Variants in MIS18BP1 observed in about 807,000 individuals in gnomAD.
The protein encoded by MIS18BP1 is mis18-binding protein 1.
Under a neutral mutation model 116.1 loss-of-function variants are expected in MIS18BP1, and 72 were observed. The observed-to-expected ratio is 0.62, with a 90% CI of 0.51 to 0.75. MIS18BP1 has a LOEUF of 0.75. Ranked by LOEUF, MIS18BP1 falls within the 30% of genes least tolerant of loss-of-function variation. MIS18BP1 has a pLI of 0.00. For synonymous variants in MIS18BP1, 386 were observed against 427.0 expected (o/e 0.90, Z 1.18); for missense variants, 1,363 against 1,303.2 (o/e 1.05, Z -0.71).
chr14:45,225,131 T>G (rs1203001002), intron 10 of MIS18BP1, among the ~76,000 whole-genome samples: 1 of 152,188 alleles, frequency 6.6e-6, no homozygotes, highest in African/African-American at 2.4e-5. Flanking sequence ...TTAATAATGT[T>G]GTCCACTCTG....
chr14:45,251,437 A>G (rs1416202588), intron 1 of MIS18BP1, among the ~76,000 whole-genome samples: 2 of 152,210 alleles, frequency 1.3e-5, no homozygotes, highest in Non-Finnish European at 2.9e-5. Flanking sequence ...AATTATGTAT[A>G]TGATCCTGAA....
At chr14:45,226,460 C>T (rs945304876) in intron 10 of MIS18BP1, among the ~76,000 whole-genome samples, 2 of 152,170 alleles carry the variant, frequency 1.3e-5, no homozygotes, top group South Asian at 2.1e-4. Context: ...ACTCTTTACA[C>T]ATTCCTGTAA....
At chr14:45,217,842 G>A (rs1170661702) in intron 12 of MIS18BP1, among the ~76,000 whole-genome samples, 1 of 151,956 alleles carries the variant, frequency 6.6e-6, no homozygotes, top group Non-Finnish European at 1.5e-5. Flanking sequence ...ATTATGACAG[G>A]GTATTGGGTT....
intron 2 of MIS18BP1, 103 bp downstream of exon 2, chr14:45,246,640 T>C: frequency 1.9e-6 from 2 of 1,043,760 alleles, no homozygotes; most frequent in Non-Finnish European, 2.7e-6. Context: ...GGCAAGGATT[T>C]TTGTCCATTT....
Position 45,224,061 on chromosome 14 carries a change from A to C in MIS18BP1, c.2526T>G (p.Thr842=). 1 of 1,613,778 alleles carries C rather than the reference A, an allele frequency of 6.2e-7. No individual in the cohort carries two copies. The highest frequency in any genetic ancestry group is 1.1e-5 in the South Asian group (1 of 91,012). Residue 842 remains threonine, a synonymous_variant, in exon 11 of 17, where the codon ACT becomes ACG. Transcript: ENST00000310806. ...QKKARPSVKE[T]LQKSGVRKEF... is the part of the protein sequence containing the mutation. Reference sequence around the variant, plus strand: ...CTTTCCTAACACCAGACTTCTGAAGAGTTTCTTTGACGGAAGGTCTAGCTT... The same window carrying C: ...CTTTCCTAACACCAGACTTCTGAAGCGTTTCTTTGACGGAAGGTCTAGCTT...
chr14:45,216,994 A>G (rs1442374321), intron 13 of MIS18BP1, 25 bp downstream of exon 13: 3 of 1,607,370 alleles, frequency 1.9e-6, no homozygotes, highest in Non-Finnish European at 2.6e-6. Flanking sequence ...ACAGATAAGG[A>G]AAACAATGAT....
At chr14:45,245,609 T>G (rs1891702309) in intron 2 of MIS18BP1, among the ~76,000 whole-genome samples, 1 of 152,088 alleles carries the variant, frequency 6.6e-6, no homozygotes, top group African/African-American at 2.4e-5. Flanking sequence ...GGTGATCCAC[T>G]TGCCTCGGCC....
chr14:45,204,830 G>A (rs1890467897), intron 15 of MIS18BP1, among the ~76,000 whole-genome samples: 1 of 151,874 alleles, frequency 6.6e-6, no homozygotes, highest in Non-Finnish European at 1.5e-5. Context: ...ATTATATATA[G>A]TAATTATAAT....
intron 13 of MIS18BP1, among the ~76,000 whole-genome samples, 174 bp downstream of exon 13, chr14:45,216,845 A>G (rs905779021): frequency 1.3e-5 from 2 of 152,232 alleles, no homozygotes; most frequent in Non-Finnish European, 2.9e-5. Flanking sequence ...TGCAGACTCT[A>G]GAAACTAGTA....
chr14:45,244,706 C>T (rs959631054), intron 2 of MIS18BP1, among the ~76,000 whole-genome samples: 1 of 152,212 alleles, frequency 6.6e-6, no homozygotes, highest in Admixed American at 6.5e-5. Context: ...ATTTAGGCCT[C>T]TCCCAAACTA....
intron 10 of MIS18BP1, among the ~76,000 whole-genome samples, chr14:45,225,738 A>C (rs1233309013): frequency 3.3e-5 from 5 of 152,206 alleles, no homozygotes; most frequent in Non-Finnish European, 7.4e-5. Context: ...TCAAAACCTA[A>C]GTAATGAGAA....
At chr14:45,250,965 A>G (rs1055362384) in intron 1 of MIS18BP1, among the ~76,000 whole-genome samples, 2 of 144,848 alleles carry the variant, frequency 1.4e-5, no homozygotes, top group African/African-American at 5.1e-5. Flanking sequence ...TGAACCCGGG[A>G]GGCGGAGCTT....
At chr14:45,229,407 G>A (rs1891215333) in intron 8 of MIS18BP1, among the ~76,000 whole-genome samples, 1 of 151,886 alleles carries the variant, frequency 6.6e-6, no homozygotes. Context: ...TGGAGGCTGA[G>A]GTGGGAGGAT....
At chr14:45,236,797 T>C (rs1308861965) in intron 5 of MIS18BP1, among the ~76,000 whole-genome samples, 2 of 152,196 alleles carry the variant, frequency 1.3e-5, no homozygotes, top group African/African-American at 4.8e-5. Context: ...ATTATCCATA[T>C]TGCACAAATG....
intron 11 of MIS18BP1, among the ~76,000 whole-genome samples, chr14:45,218,759 C>T (rs77326129): frequency 0.01 from 1,559 of 151,472 alleles, 35 homozygotes; most frequent in African/African-American, 0.035. Context: ...TCCAACTAAT[C>T]GATGATACGG....
chr14:45,228,495 A>C (rs1228558145), intron 8 of MIS18BP1, among the ~76,000 whole-genome samples: 2 of 152,216 alleles, frequency 1.3e-5, no homozygotes, highest in Non-Finnish European at 2.9e-5. Context: ...ATGTATGTAG[A>C]ATTATGTTTC....
intron 16 of MIS18BP1, 69 bp from the exon 17 acceptor site, chr14:45,204,281 T>G: frequency 6.5e-7 from 1 of 1,538,102 alleles, no homozygotes; most frequent in East Asian, 2.3e-5. Context: ...TGAAAACAAC[T>G]ATAAGGAATA....
chr14:45,238,330 C>G (rs773335354), intron 4 of MIS18BP1, among the ~76,000 whole-genome samples: 4 of 151,908 alleles, frequency 2.6e-5, no homozygotes, highest in Middle Eastern at 3.2e-3. Flanking sequence ...ATATAAATTT[C>G]ATAAAATTTA....
At position 45,242,854 on chromosome 14, in the gene MIS18BP1, G is replaced by C. The variant is rs749829571; in HGVS notation, c.565C>G (p.Leu189Val). The C allele has an allele frequency of 6.2e-7, 1 of 1,611,106 alleles. No individual in the cohort carries two copies. The change falls in exon 3 of 17, where the codon CTA (leucine) becomes GTA (valine). Residue 189 changes from leucine (L) to valine (V), a missense_variant. By Grantham distance (32) the Leu-to-Val change is conservative. Transcript: ENST00000310806. ...AAAATATCATTATTTGATGATTCTAGAGGAACTCCTTGGACTGAGGCTAAG... is the reference window on the plus strand; with the variant it reads ...AAAATATCATTATTTGATGATTCTACAGGAACTCCTTGGACTGAGGCTAAG... Reference protein sequence around the residue: ...SLRASVQGVPLESSNNDIFLP... With the variant: ...SLRASVQGVPVESSNNDIFLP...
Sources: allele counts gnomAD v4.1 joint callset (sites outside exome capture counted in the v4.1 genomes callset), GRCh38; gene constraint gnomAD v4.1.1; transcripts MANE v1.5; gene names NCBI Gene and HGNC (gene_info 2026-07-23, HGNC 2026-07-21).